The following EPS8 variants were observed in gnomAD, a reference collection of about 807,000 sequenced individuals.
The protein encoded by EPS8 is EGFR pathway substrate 8, signaling adaptor, also known as epidermal growth factor receptor kinase substrate 8.
Under a neutral mutation model 103.8 loss-of-function variants are expected in EPS8, and 42 were observed. The observed-to-expected ratio is 0.40, with a 90% CI of 0.32 to 0.52. The LOEUF (loss-of-function observed/expected upper bound fraction) is 0.52. EPS8 is among the 20% of genes least tolerant of loss of function. EPS8 has a pLI of 0.40. For synonymous variants in EPS8, 344 were observed against 344.6 expected (o/e 1.00, Z 0.02); for missense variants, 969 against 1,005.1 (o/e 0.96, Z 0.49).
intron 14 of EPS8, 24 bp from the exon 15 acceptor site, chr12:15,647,284 T>C (rs1565477722): frequency 6.2e-7 from 1 of 1,601,660 alleles, no homozygotes; most frequent in East Asian, 2.2e-5. Context: ...TGGGGCAGAT[T>C]AAAGAATCAC....
chr12:15,678,813 C>G (rs1591847746), intron 3 of EPS8, among the ~76,000 whole-genome samples: 2 of 148,992 alleles, frequency 1.3e-5, no homozygotes, highest in East Asian at 4.0e-4. Flanking sequence ...ACTCTGGAGG[C>G]TGAGGCAAGA....
intron 3 of EPS8, among the ~76,000 whole-genome samples, chr12:15,680,599 G>A (rs1218500778): frequency 6.6e-6 from 1 of 152,012 alleles, no homozygotes; most frequent in Non-Finnish European, 1.5e-5. Flanking sequence ...ATTCTTTATT[G>A]TTATACAATA....
At position 15,684,563 on chromosome 12, in the gene EPS8, G is replaced by A. The variant is rs781229393; in HGVS notation, c.-21-1591C>T. ...AAATCCATGTCCCACTCTTCAAAGA[G>A]TTTATTGTATTCTTAGGGAAACAAA... On this transcript the variant is annotated intron_variant, in intron 1 of 20. Coordinates refer to ENST00000281172, the MANE Select transcript of EPS8 (RefSeq NM_004447.6). The surrounding 1 kb of genome is among the most constrained non-coding windows in gnomAD (Gnocchi z 4.9). Among the ~76,000 whole-genome samples the A allele has an allele frequency of 6.6e-6, 1 of 152,122 alleles. No individual in the cohort carries two copies.
At position 15,624,209 on chromosome 12, in the gene EPS8, A is replaced by G. The variant is rs866824725; in HGVS notation, c.2225+18T>C. On this transcript the variant is annotated intron_variant, in intron 19 of 20. Transcript: ENST00000281172. ...TGTTGTACACACAGAATTGCAAAGTATTCACAGAGAGACTCACACAGGGTT... is the reference window on the plus strand; with the variant it reads ...TGTTGTACACACAGAATTGCAAAGTGTTCACAGAGAGACTCACACAGGGTT... The G allele has an allele frequency of 2.5e-6, 4 of 1,605,522 alleles. 1 individual carries two copies. The Middle Eastern group carries it at 5.9e-4, about 236-fold the overall frequency.
Position 15,751,870 on chromosome 12 carries a change from T to G in EPS8, c.-22+37291A>C, listed in dbSNP as rs1946935998. 6.6e-6 allele frequency among the ~76,000 whole-genome samples: 1 copy of G among 151,994 alleles called. No homozygotes were observed. Among genetic ancestry groups the G allele is most frequent in the South Asian group, 2.1e-4 (1 of 4,804 alleles). ...CTTACATGATAAAATACACTGAGACTCAAGCAGGAGTTAAATCTGGCATGT... is the reference window on the plus strand; with the variant it reads ...CTTACATGATAAAATACACTGAGACGCAAGCAGGAGTTAAATCTGGCATGT... On this transcript the variant is annotated intron_variant, in intron 1 of 20. Transcript: ENST00000281172. The surrounding 1 kb of genome is among the most constrained non-coding windows in gnomAD (Gnocchi z 4.3).
intron 1 of EPS8, chr12:15,732,754 G>A (rs932376290): frequency 1.6e-5 from 16 of 982,368 alleles, no homozygotes; most frequent in Non-Finnish European, 1.9e-5. Context: ...GTACTTGCCA[G>A]ATTACTCATA....
chr12:15,711,250 C>T (rs569763942), intron 1 of EPS8, among the ~76,000 whole-genome samples: 18 of 152,034 alleles, frequency 1.2e-4, no homozygotes, highest in Admixed American at 2.0e-4. Flanking sequence ...CTTAAAACTC[C>T]AAGGTTCATA....
intron 1 of EPS8, among the ~76,000 whole-genome samples, chr12:15,689,367 C>T (rs1476606830): frequency 6.6e-6 from 1 of 152,108 alleles, no homozygotes; most frequent in Non-Finnish European, 1.5e-5. Flanking sequence ...AACAGCACCA[C>T]ATGCTAAATT....
intron 2 of EPS8, among the ~76,000 whole-genome samples, chr12:15,682,031 T>G (rs1467041047): frequency 6.6e-6 from 1 of 152,122 alleles, no homozygotes; most frequent in Non-Finnish European, 1.5e-5. Flanking sequence ...AAAGAAGGAC[T>G]AACTCTTCAT....
chr12:15,640,917 T>G (rs1029086927), intron 16 of EPS8, 71 bp from the exon 17 acceptor site: 1 of 1,422,186 alleles, frequency 7.0e-7, no homozygotes, highest in Admixed American at 2.0e-5. Flanking sequence ...TTCCCTAGAC[T>G]TCAACAAAGA....
At chr12:15,720,188 G>A (rs986842254) in intron 1 of EPS8, among the ~76,000 whole-genome samples, 1 of 152,118 alleles carries the variant, frequency 6.6e-6, no homozygotes, top group Non-Finnish European at 1.5e-5. Context: ...TATGAAAAGA[G>A]TATAGCATAG....
chr12:15,663,481 T>A (rs1295229849), intron 8 of EPS8, among the ~76,000 whole-genome samples: 1 of 152,156 alleles, frequency 6.6e-6, no homozygotes. Context: ...CCAAACCTGA[T>A]ATAATAAGTC....
At chr12:15,635,177 C>G (rs1020864565) in intron 17 of EPS8, among the ~76,000 whole-genome samples, 5 of 152,008 alleles carry the variant, frequency 3.3e-5, no homozygotes, top group African/African-American at 9.7e-5. Context: ...TTGTAATGAG[C>G]TTTAGTTTCA....
chr12:15,682,931 A>G lies in EPS8; in HGVS notation c.21T>C (p.Asn7=). Residue 7 remains asparagine (N), a synonymous_variant, in exon 2 of 21, where the codon AAT becomes AAC. Transcript: ENST00000281172. MNGHIS[N]HPSSFGMYPS... ...GGTACATTCCAAAACTACTGGGATGATTAGAAATATGACCATTCATTGTGT... is the reference window on the plus strand; with the variant it reads ...GGTACATTCCAAAACTACTGGGATGGTTAGAAATATGACCATTCATTGTGT... 1 of 1,586,528 alleles carries G rather than the reference A, an allele frequency of 6.3e-7. No homozygotes were observed. Among genetic ancestry groups the G allele is most frequent in the Non-Finnish European group, 8.6e-7 (1 of 1,165,156 alleles).
chr12:15,660,571 G>C, intron 10 of EPS8, 43 bp downstream of exon 10: 2 of 967,352 alleles, frequency 2.1e-6, no homozygotes, highest in Middle Eastern at 2.1e-4. Context: ...GCCAGTACTG[G>C]AGATCTAACC....
intron 1 of EPS8, among the ~76,000 whole-genome samples, chr12:15,758,321 A>G (rs1449794478): frequency 1.3e-5 from 2 of 152,336 alleles, no homozygotes; most frequent in East Asian, 3.9e-4. Flanking sequence ...TCATGAAGAA[A>G]CAAGACAAAT....
At position 15,760,994 on chromosome 12, in the gene EPS8, A is replaced by G. The variant is rs1156679002; in HGVS notation, c.-22+28167T>C. Among the ~76,000 whole-genome samples, 2 of 152,042 alleles carry G rather than the reference A, an allele frequency of 1.3e-5. No individual in the cohort carries two copies. Among genetic ancestry groups the G allele is most frequent in the Non-Finnish European group, 2.9e-5 (2 of 67,940 alleles). On this transcript the variant is annotated intron_variant, in intron 1 of 20. Coordinates refer to ENST00000281172, the MANE Select transcript of EPS8 (RefSeq NM_004447.6). The surrounding 1 kb of genome is among the most constrained non-coding windows in gnomAD (Gnocchi z 4.5). ...AAAGGGCATCCAAATTGGAAAAGAA[A>G]AACCCAAATTATCCTTGTCTGCAGA... is the stretch of plus-strand genomic sequence containing the variant.
chr12:15,744,113 A>G (rs945716725), intron 1 of EPS8, among the ~76,000 whole-genome samples: 5 of 151,966 alleles, frequency 3.3e-5, no homozygotes, highest in Non-Finnish European at 5.9e-5. Flanking sequence ...ATATGAACTG[A>G]CACTTCTCAA....
Position 15,704,470 on chromosome 12 carries a change from A to T in EPS8, c.-21-21498T>A, listed in dbSNP as rs1167361266. Among the ~76,000 whole-genome samples, 1 of 152,226 alleles carries T rather than the reference A, an allele frequency of 6.6e-6. No individual in the cohort carries two copies. Among genetic ancestry groups the T allele is most frequent in the East Asian group, 1.9e-4 (1 of 5,200 alleles). On this transcript the variant is annotated intron_variant, in intron 1 of 20. Coordinates refer to ENST00000281172, the MANE Select transcript of EPS8 (RefSeq NM_004447.6). The surrounding 1 kb of genome is among the most constrained non-coding windows in gnomAD (Gnocchi z 4.6). The stretch of plus-strand genomic sequence containing the variant: ...GCCATTACACTAAGTAAAATAAGCC[A>T]GTCACAAAAGGACAAATACTCTATG...
Sources: gnomAD v4.1 joint callset for allele counts (sites outside exome capture counted in the v4.1 genomes callset) on GRCh38, gnomAD v4.1.1 for gene constraint, Gnocchi (gnomAD v3.1) non-coding constraint, MANE v1.5 for transcripts, NCBI Gene and HGNC (gene_info 2026-07-23, HGNC 2026-07-21) for gene names.